KLF2: variants seen among roughly 807,000 people sequenced by gnomAD.
The protein encoded by KLF2 is KLF transcription factor 2.
KLF2 carries 9 observed loss-of-function variants against 22.2 expected under a neutral mutation model. That is an observed-to-expected ratio of 0.40 (90% CI 0.24 to 0.71). KLF2 has a LOEUF of 0.71. Among genes scored for constraint, KLF2 ranks in the 30% least tolerant of loss-of-function variants. The pLI, the probability that KLF2 is intolerant of heterozygous loss-of-function variation, is 0.35. For missense variants in KLF2, 481 were observed against 542.1 expected, an observed-to-expected ratio of 0.89 and a Z score of 1.12; for synonymous variants, 299 against 264.2, an observed-to-expected ratio of 1.13 and a Z score of -1.28.
rs1197218981 is a variant in KLF2, at chr19:16,325,812, C to T, written c.672C>T (p.Asp224=). The T allele has an allele frequency of 4.4e-6, 6 of 1,350,766 alleles. No homozygotes were observed. Among genetic ancestry groups the T allele is most frequent in the Non-Finnish European group, 5.7e-6 (6 of 1,059,656 alleles). The allele number at this position is 1,350,766 out of a possible 1,614,324, so 83.7% of individuals were successfully genotyped here. A position where few individuals can be genotyped will look rare whatever the true frequency, so the allele number is the denominator to read the frequency against. The change falls in exon 2 of 3, where the codon GAC becomes GAT. Residue 224 remains aspartate (D), a synonymous_variant. Transcript: ENST00000248071. ...CCCCAGCCTTCGGTCTCTTCGACGA[C>T]GCGGCCGCCGCCGCGGCAGCCCTGG... The part of the protein sequence containing the change: ...PAPPAFGLFD[D]AAAAAAALGL...
chr19:16,327,535 T>TCACAG lies in KLF2; in HGVS notation c.*508_*512dup, dbSNP rs1439326062. The TCACAG allele has an allele frequency of 6.6e-6, 1 of 152,510 alleles. No homozygotes were observed. The highest frequency in any genetic ancestry group is 1.5e-5 in the Non-Finnish European group (1 of 68,216). The allele number at this position is 152,510 out of a possible 1,614,324, so 9.4% of individuals were successfully genotyped here. A position where few individuals can be genotyped will look rare whatever the true frequency, so the allele number is the denominator to read the frequency against. On this transcript the variant is annotated 3_prime_UTR_variant, in exon 3 of 3. Coordinates refer to ENST00000248071, the MANE Select transcript of KLF2 (RefSeq NM_016270.4). The stretch of plus-strand genomic sequence containing the variant: ...AAAGTTTTGCATCTTTTAAAAAAAA[T>TCACAG]CACAGCACTGGTCTGGTTGCTTGGA...
In KLF2 at chr19:16,327,274, T is replaced by G. The variant is rs1599498422; in HGVS notation, c.*243T>G. 2.3e-6 allele frequency: 1 copy of G among 439,762 alleles called. No individual in the cohort carries two copies. The highest frequency in any genetic ancestry group is 3.2e-5 in the South Asian group (1 of 31,532). 27.2% of individuals were successfully genotyped at this position (439,762 alleles called of 1,614,324 possible). Reference sequence around the variant, plus strand: ...TGACGAGTTTTGTTTTTCAAAATGGTGCAATAATTTAAGTGGCATCTTCTC... The same window carrying G: ...TGACGAGTTTTGTTTTTCAAAATGGGGCAATAATTTAAGTGGCATCTTCTC... On this transcript the variant is annotated 3_prime_UTR_variant, in exon 3 of 3. Transcript: ENST00000248071.
chr19:16,324,837 C>A lies in KLF2; in HGVS notation c.-87C>A. ...CCCGGCCGCGGCCCACAGAGCCGTC[C>A]CCGCCCGCCCGCGCCCCGACCAGCC... On this transcript the variant is annotated 5_prime_UTR_variant, in exon 1 of 3. Coordinates refer to ENST00000248071, the MANE Select transcript of KLF2 (RefSeq NM_016270.4). 13 of 1,179,370 alleles carry A rather than the reference C, an allele frequency of 1.1e-5. No homozygotes were observed. Among genetic ancestry groups the A allele is most frequent in the South Asian group, 5.6e-5 (4 of 71,180 alleles). The allele number at this position is 1,179,370 out of a possible 1,614,324, so 73.1% of individuals were successfully genotyped here.
rs2091883439 is a variant in KLF2, at chr19:16,324,978, C to T, written c.55C>T (p.Arg19Cys). 6.2e-7 allele frequency: 1 copy of T among 1,601,136 alleles called. No homozygotes were observed. The highest frequency in any genetic ancestry group is 1.7e-4 in the Middle Eastern group (1 of 5,894). ...CTTCTCCACTTTCGCCAGCCCGTGC[C>T]GCGAGCGCGGCCTGCAGGAGGTGAG... is the stretch of plus-strand genomic sequence containing the variant. ...PSFSTFASPC[R>C]ERGLQERWPR... Residue 19 changes from arginine to cysteine, a missense_variant, in exon 1 of 3, where the codon CGC becomes TGC. Arg to Cys is a radical substitution (Grantham distance 180). Around this residue, in one of 2 missense-constraint regions of KLF2, gnomAD observed 421 missense variants for 435.1 expected, o/e 0.97. Transcript: ENST00000248071.
Position 16,324,870 on chromosome 19 carries a change from G to A in KLF2, c.-54G>A, listed in dbSNP as rs934542805. 8 of 1,461,208 alleles carry A rather than the reference G, an allele frequency of 5.5e-6. No individual in the cohort carries two copies. In the Admixed American group the frequency reaches 5.7e-5, roughly 10 times the overall value. The allele number at this position is 1,461,208 out of a possible 1,614,324, so 90.5% of individuals were successfully genotyped here. A position where few individuals can be genotyped will look rare whatever the true frequency, so the allele number is the denominator to read the frequency against. ...CCCGCGCCCCGACCAGCCCGGCCTC[G>A]GGCAGCCACTCACCGGTGTCCCCGT... On this transcript the variant is annotated 5_prime_UTR_variant, in exon 1 of 3. Transcript: ENST00000248071.
At position 16,325,080 on chromosome 19, in the gene KLF2, GGA is replaced by G. The variant is rs1341605514; in HGVS notation, c.75+83_75+84del. 5.8e-6 allele frequency: 8 copies of G among 1,375,316 alleles called. No individual in the cohort carries two copies. In the African/African-American group the frequency reaches 1.2e-4, roughly 20 times the overall value. The allele number at this position is 1,375,316 out of a possible 1,614,324, so 85.2% of individuals were successfully genotyped here. ...GTAGAACGTGGGCTGCGGGGTGACAGGACGCGAAGGCGGGGACTGCAGACTCA... is the reference window on the plus strand; with the variant it reads ...GTAGAACGTGGGCTGCGGGGTGACAGCGCGAAGGCGGGGACTGCAGACTCA... On this transcript the variant is annotated intron_variant, in intron 1 of 2. Coordinates refer to ENST00000248071, the MANE Select transcript of KLF2 (RefSeq NM_016270.4).
Position 16,325,816 on chromosome 19 carries a change from G to A in KLF2, c.676G>A (p.Ala226Thr), listed in dbSNP as rs2091887974. ...AGCCTTCGGTCTCTTCGACGACGCGGCCGCCGCCGCGGCAGCCCTGGGCCT... is the reference window on the plus strand; with the variant it reads ...AGCCTTCGGTCTCTTCGACGACGCGACCGCCGCCGCGGCAGCCCTGGGCCT... ...PPAFGLFDDA[A>T]AAAAALGLAP... is the part of the protein sequence containing the mutation. The change falls in exon 2 of 3, where the codon GCC becomes ACC. Residue 226 changes from alanine to threonine, a missense_variant. By Grantham distance (58) the Ala-to-Thr change is moderately conservative. Coordinates refer to ENST00000248071, the MANE Select transcript of KLF2 (RefSeq NM_016270.4). The A allele has an allele frequency of 1.5e-6, 2 of 1,351,662 alleles. No individual in the cohort carries two copies. Among genetic ancestry groups the A allele is most frequent in the East Asian group, 3.2e-5 (1 of 31,718 alleles). The allele number at this position is 1,351,662 out of a possible 1,614,324, so 83.7% of individuals were successfully genotyped here.
In KLF2 at chr19:16,327,036, G is replaced by C. The variant is rs2091892291; in HGVS notation, c.*5G>C. The stretch of plus-strand genomic sequence containing the variant: ...CACATGAAACGGCACATGTAGCCGG[G>C]ACGCCCCCGCCCACCTGCGCGCGGC... On this transcript the variant is annotated 3_prime_UTR_variant, in exon 3 of 3. Transcript: ENST00000248071. 3.8e-6 allele frequency: 6 copies of C among 1,573,128 alleles called. No individual in the cohort carries two copies. Among genetic ancestry groups the C allele is most frequent in the Non-Finnish European group, 5.2e-6 (6 of 1,158,544 alleles).
In KLF2 at chr19:16,327,032, C is replaced by T. The variant is rs1464025511; in HGVS notation, c.*1C>T. On this transcript the variant is annotated 3_prime_UTR_variant, in exon 3 of 3. Coordinates refer to ENST00000248071, the MANE Select transcript of KLF2 (RefSeq NM_016270.4). Reference sequence around the variant, plus strand: ...GCTGCACATGAAACGGCACATGTAGCCGGGACGCCCCCGCCCACCTGCGCG... The same window carrying T: ...GCTGCACATGAAACGGCACATGTAGTCGGGACGCCCCCGCCCACCTGCGCG... 6.3e-7 allele frequency: 1 copy of T among 1,578,958 alleles called. No homozygotes were observed. Among genetic ancestry groups the T allele is most frequent in the Non-Finnish European group, 8.6e-7 (1 of 1,161,740 alleles).
intron 2 of KLF2, among the ~76,000 whole-genome samples, chr19:16,326,341 G>A (rs2091890231): frequency 6.6e-6 from 1 of 151,906 alleles, no homozygotes; most frequent in Non-Finnish European, 1.5e-5. Flanking sequence ...CGTGGCTAGG[G>A]AGACAGTCTC....
rs1328556198 is a variant in KLF2, at chr19:16,327,611, A to AG, written c.*583dup. The AG allele has an allele frequency of 1.1e-5, 1 of 93,214 alleles. No homozygotes were observed. Among genetic ancestry groups the AG allele is most frequent in the Non-Finnish European group, 2.4e-5 (1 of 40,902 alleles). 5.8% of individuals were successfully genotyped at this position (93,214 alleles called of 1,614,324 possible). The stretch of plus-strand genomic sequence containing the variant: ...GAGGGGGGAGCGGAGAGTTTGATGG[A>AG]GGGCAGCCCCACTAAAGCATCGTGT... On this transcript the variant is annotated 3_prime_UTR_variant, in exon 3 of 3. Coordinates refer to ENST00000248071, the MANE Select transcript of KLF2 (RefSeq NM_016270.4).
In KLF2 at chr19:16,325,167, C is replaced by T. The variant is rs1415976496; in HGVS notation, c.76-49C>T. The T allele has an allele frequency of 9.3e-6, 13 of 1,391,258 alleles. No individual in the cohort carries two copies. In the East Asian group the frequency reaches 3.5e-4, roughly 37 times the overall value. 86.2% of individuals were successfully genotyped at this position (1,391,258 alleles called of 1,614,324 possible). A position where few individuals can be genotyped will look rare whatever the true frequency, so the allele number is the denominator to read the frequency against. ...TTAGGGTGGTAAAAGGCAAGCAGCG[C>T]CCCCCGAGCCCCGCCGCCCGCTCAC... On this transcript the variant is annotated intron_variant, in intron 1 of 2. Coordinates refer to ENST00000248071, the MANE Select transcript of KLF2 (RefSeq NM_016270.4).
rs150010883 is a variant in KLF2 at position 16,326,878 on chromosome 19, C to T, written c.915C>T (p.Asn305=). 136 of 1,612,414 alleles carry T rather than the reference C, an allele frequency of 8.4e-5. No individual in the cohort carries two copies. In the East Asian group the frequency reaches 2.8e-3, roughly 33 times the overall value. Residue 305 remains asparagine (N), a synonymous_variant, in exon 3 of 3, where the codon AAC becomes AAT. Coordinates refer to ENST00000248071, the MANE Select transcript of KLF2 (RefSeq NM_016270.4). ...CAGGTGAGAAGCCCTACCACTGCAA[C>T]TGGGACGGCTGCGGCTGGAAGTTTG... ...THTGEKPYHC[N]WDGCGWKFAR...
chr19:16,326,206 T>G (rs1599497731), intron 2 of KLF2, among the ~76,000 whole-genome samples, 174 bp downstream of exon 2: 2 of 103,548 alleles, frequency 1.9e-5, no homozygotes, highest in African/African-American at 7.8e-5. Context: ...GGAGGTTGGT[T>G]GGGGGGGCAC....
intron 1 of KLF2, 81 bp from the exon 2 acceptor site, chr19:16,325,135 C>T: frequency 3.0e-6 from 4 of 1,322,824 alleles, no homozygotes; most frequent in Non-Finnish European, 3.0e-6. Flanking sequence ...CCACGGGGAT[C>T]GCGGACTTAG....
chr19:16,325,434 C>G lies in KLF2; in HGVS notation c.294C>G (p.Pro98=), dbSNP rs1430084809. ...AGGLVSELLR[P]ELDAPLGPAL... is the part of the protein sequence containing the mutation. ...GCCTGGTGTCTGAGCTGCTGCGACC[C>G]GAGCTGGATGCGCCGCTGGGGCCCG... The change falls in exon 2 of 3, where the codon CCC becomes CCG. Residue 98 remains proline, a synonymous_variant. Transcript: ENST00000248071. 2 of 1,418,130 alleles carry G rather than the reference C, an allele frequency of 1.4e-6. No homozygotes were observed. Among genetic ancestry groups the G allele is most frequent in the Admixed American group, 3.2e-5 (1 of 31,114 alleles). 87.8% of individuals were successfully genotyped at this position (1,418,130 alleles called of 1,614,324 possible).
At chr19:16,326,174 A>C in intron 2 of KLF2, 142 bp downstream of exon 2, 4 of 742,542 alleles carry the variant, frequency 5.4e-6, no homozygotes, top group East Asian at 3.6e-5. Flanking sequence ...CACGCTTAGG[A>C]CTCCCCAGGA....
chr19:16,325,563 C>G lies in KLF2; in HGVS notation c.423C>G (p.Thr141=). The change falls in exon 2 of 3, where the codon ACC becomes ACG. Residue 141 remains threonine, a synonymous_variant. Coordinates refer to ENST00000248071, the MANE Select transcript of KLF2 (RefSeq NM_016270.4). ...GGGYGCAPGL[T]RGPRGLKREG... ...GCTACGGCTGCGCCCCCGGGCTGAC[C>G]CGTGGACCGCGCGGCCTCAAGCGCG... 1 of 1,176,358 alleles carries G rather than the reference C, an allele frequency of 8.5e-7. No individual in the cohort carries two copies. Among genetic ancestry groups the G allele is most frequent in the Non-Finnish European group, 1.0e-6 (1 of 953,234 alleles). 72.9% of individuals were successfully genotyped at this position (1,176,358 alleles called of 1,614,324 possible). A position where few individuals can be genotyped will look rare whatever the true frequency, so the allele number is the denominator to read the frequency against.
chr19:16,326,067 G>C, intron 2 of KLF2, 35 bp downstream of exon 2: 1 of 1,523,928 alleles, frequency 6.6e-7, no homozygotes, highest in Non-Finnish European at 8.8e-7. Flanking sequence ...GCGCAGGCGG[G>C]GGGACGCGGG....
Sources: gnomAD v4.1 joint callset for allele counts (sites outside exome capture counted in the v4.1 genomes callset) on GRCh38, gnomAD v4.1.1 for gene constraint, gnomAD v4.1.1 regional missense constraint, MANE v1.5 for transcripts, NCBI Gene and HGNC (gene_info 2026-07-23, HGNC 2026-07-21) for gene names.